KLF6: variants seen among roughly 807,000 people sequenced by gnomAD.
KLF6 encodes Krueppel-like factor 6.
For missense variants in KLF6, 233 were observed against 359.8 expected, an observed-to-expected ratio of 0.65 and a Z score of 2.85; for synonymous variants, 152 against 147.9, an observed-to-expected ratio of 1.03 and a Z score of -0.20.
At chr10:3,784,696 A>G (rs1478556151) in intron 1 of KLF6, among the ~76,000 whole-genome samples, 2 of 152,042 alleles carry the variant, frequency 1.3e-5, no homozygotes, top group Non-Finnish European at 2.9e-5. Context: ...AACTCGTGCC[A>G]GGGGCTCGGC....
rs750705462 is a variant in KLF6, at chr10:3,781,693, C to G, written c.624G>C (p.Arg208Ser). ...RVHRCHFNGC[R>S]KVYTKSSHLK... is the part of the protein sequence containing the mutation. ...AGTGGGAGCTTTTGGTGTAAACTTT[C>G]CTGCAGCCGTTAAAGTGGCACCGGT... Residue 208 changes from arginine to serine, a missense_variant, in exon 2 of 4, where the codon AGG becomes AGC. Transcript: ENST00000497571. This position sits in a 1 kb window ranked among gnomAD's most constrained non-coding sequence, Gnocchi z 5.8. 1 of 1,613,748 alleles carries G rather than the reference C, an allele frequency of 6.2e-7. No homozygotes were observed.
In KLF6 at chr10:3,776,195, A is replaced by C. The variant is rs555390169; in HGVS notation, c.*3344T>G. ...CTGGAGCAGGCTGTGGAGGCACAGA[A>C]GTGGCAGGGAAACACTCAAGTTTGT... On this transcript the variant is annotated 3_prime_UTR_variant, in exon 4 of 4. Transcript: ENST00000497571. The C allele has an allele frequency of 1.8e-4, 96 of 531,910 alleles. No individual in the cohort carries two copies. Among genetic ancestry groups the C allele is most frequent in the African/African-American group, 1.6e-3 (88 of 53,840 alleles). The allele number at this position is 531,910 out of a possible 1,614,324, so 32.9% of individuals were successfully genotyped here. A position where few individuals can be genotyped will look rare whatever the true frequency, so the allele number is the denominator to read the frequency against.
chr10:3,779,519 G>A lies in KLF6; in HGVS notation c.*20C>T. 2 of 1,609,792 alleles carry A rather than the reference G, an allele frequency of 1.2e-6. No individual in the cohort carries two copies. Among genetic ancestry groups the A allele is most frequent in the African/African-American group, 1.3e-5 (1 of 74,980 alleles). On this transcript the variant is annotated 3_prime_UTR_variant, in exon 4 of 4. Transcript: ENST00000497571. Reference sequence around the variant, plus strand: ...CAGCCTGGAAGCCTTTTAGCCTACAGGATCCACCTCTCTGCTCCCTCAGAG... The same window carrying A: ...CAGCCTGGAAGCCTTTTAGCCTACAAGATCCACCTCTCTGCTCCCTCAGAG...
At position 3,782,268 on chromosome 10, in the gene KLF6, A is replaced by G; in HGVS notation, c.103-54T>C. The G allele has an allele frequency of 6.8e-7, 1 of 1,467,870 alleles. No homozygotes were observed. Among genetic ancestry groups the G allele is most frequent in the Non-Finnish European group, 9.4e-7 (1 of 1,061,600 alleles). 90.9% of individuals were successfully genotyped at this position (1,467,870 alleles called of 1,614,324 possible). ...TGATTGCCATGACGACCAAAAGTAA[A>G]AGCAAAAGCAATTTCCAAAAACATG... On this transcript the variant is annotated intron_variant, in intron 1 of 3. Transcript: ENST00000497571. The surrounding 1 kb of genome is among the most constrained non-coding windows in gnomAD (Gnocchi z 4.3).
In KLF6 at chr10:3,776,292, C is replaced by T. The variant is rs1564291591; in HGVS notation, c.*3247G>A. 1 of 533,192 alleles carries T rather than the reference C, an allele frequency of 1.9e-6. No homozygotes were observed. Among genetic ancestry groups the T allele is most frequent in the Non-Finnish European group, 3.6e-6 (1 of 275,640 alleles). The allele number at this position is 533,192 out of a possible 1,614,324, so 33.0% of individuals were successfully genotyped here. A position where few individuals can be genotyped will look rare whatever the true frequency, so the allele number is the denominator to read the frequency against. On this transcript the variant is annotated 3_prime_UTR_variant, in exon 4 of 4. Coordinates refer to ENST00000497571, the MANE Select transcript of KLF6 (RefSeq NM_001300.6). ...AAGATCAAACCGGCATGGTTCCCTA[C>T]TGTGCCCACAGCCGGGGGGTTGTTT...
In KLF6 at chr10:3,777,849, T is replaced by A; in HGVS notation, c.*1690A>T. 1 of 484,392 alleles carries A rather than the reference T, an allele frequency of 2.1e-6. No homozygotes were observed. Among genetic ancestry groups the A allele is most frequent in the South Asian group, 1.6e-5 (1 of 63,680 alleles). 30.0% of individuals were successfully genotyped at this position (484,392 alleles called of 1,614,324 possible). On this transcript the variant is annotated 3_prime_UTR_variant, in exon 4 of 4. Transcript: ENST00000497571. The stretch of plus-strand genomic sequence containing the variant: ...ACTTTTTTAAAAAAGTAGTATACTT[T>A]CTGTATTACCAACAGATAGCTAGAC...
Position 3,780,018 on chromosome 10 carries a change from C to T in KLF6, c.800+88G>A, listed in dbSNP as rs1021009596. On this transcript the variant is annotated intron_variant, in intron 3 of 3. Coordinates refer to ENST00000497571, the MANE Select transcript of KLF6 (RefSeq NM_001300.6). The surrounding 1 kb of genome is among the most constrained non-coding windows in gnomAD (Gnocchi z 4.6). ...ACATAGGAAACTGCATGCCTTCCTT[C>T]GAATGTGCCCTGCACACCTACTCAA... 3.1e-4 allele frequency: 471 copies of T among 1,524,192 alleles called. No individual in the cohort carries two copies. Among genetic ancestry groups the T allele is most frequent in the Non-Finnish European group, 3.1e-4 (341 of 1,103,160 alleles). 94.4% of individuals were successfully genotyped at this position (1,524,192 alleles called of 1,614,324 possible). A position where few individuals can be genotyped will look rare whatever the true frequency, so the allele number is the denominator to read the frequency against.
intron 1 of KLF6, among the ~76,000 whole-genome samples, chr10:3,784,705 G>A (rs938633586): frequency 6.6e-6 from 1 of 152,194 alleles, no homozygotes; most frequent in African/African-American, 2.4e-5. Context: ...CAGGGGCTCG[G>A]CCGGGCTGTG....
rs2131091495 is a variant in KLF6 at position 3,777,555 on chromosome 10, A to C, written c.*1984T>G. ...GACCTGCCCATTTGATGGACAGAGC[A>C]GACAGCCCGGAACAGATTCAAGCAA... On this transcript the variant is annotated 3_prime_UTR_variant, in exon 4 of 4. Coordinates refer to ENST00000497571, the MANE Select transcript of KLF6 (RefSeq NM_001300.6). 9.8e-6 allele frequency: 5 copies of C among 511,234 alleles called. No individual in the cohort carries two copies. The highest frequency in any genetic ancestry group is 7.7e-5 in the South Asian group (5 of 64,976). 31.7% of individuals were successfully genotyped at this position (511,234 alleles called of 1,614,324 possible).
intron 1 of KLF6, among the ~76,000 whole-genome samples, chr10:3,784,273 C>G (rs1252088816): frequency 1.3e-5 from 2 of 152,160 alleles, no homozygotes; most frequent in Middle Eastern, 3.2e-3. Context: ...GTCCTTCTTT[C>G]CAAACTAAGA....
At position 3,780,466 on chromosome 10, in the gene KLF6, T is replaced by C; in HGVS notation, c.677-237A>G. 1 of 582,804 alleles carries C rather than the reference T, an allele frequency of 1.7e-6. No homozygotes were observed. Among genetic ancestry groups the C allele is most frequent in the Non-Finnish European group, 3.1e-6 (1 of 322,716 alleles). 36.1% of individuals were successfully genotyped at this position (582,804 alleles called of 1,614,324 possible). The stretch of plus-strand genomic sequence containing the variant: ...AGCTTCAGCCAAGCCCATGGTGCTG[T>C]CATCAAAGTTAACGTGGAAGAACGA... On this transcript the variant is annotated intron_variant, in intron 2 of 3. Transcript: ENST00000497571. This position sits in a 1 kb window ranked among gnomAD's most constrained non-coding sequence, Gnocchi z 4.6.
rs116781889 is a variant in KLF6 at position 3,782,425 on chromosome 10, C to G, written c.103-211G>C. On this transcript the variant is annotated intron_variant, in intron 1 of 3. Transcript: ENST00000497571. This position sits in a 1 kb window ranked among gnomAD's most constrained non-coding sequence, Gnocchi z 4.3. ...AATGGTAAGAATTCAGAGGAAAAGT[C>G]GGAGGGTGAAACCTCTCCTGGCTTT... 6.6e-6 allele frequency among the ~76,000 whole-genome samples: 1 copy of G among 152,174 alleles called. No individual in the cohort carries two copies. Among genetic ancestry groups the G allele is most frequent in the Non-Finnish European group, 1.5e-5 (1 of 68,036 alleles).
At chr10:3,784,582 AC>A (rs1832605855) in intron 1 of KLF6, among the ~76,000 whole-genome samples, 1 of 151,262 alleles carries the variant, frequency 6.6e-6, no homozygotes, top group Non-Finnish European at 1.5e-5. Context: ...TTAAAAAAAA[AC>A]AACAAAAAAC....
Position 3,777,810 on chromosome 10 carries a change from C to T in KLF6, c.*1729G>A. The stretch of plus-strand genomic sequence containing the variant: ...TACTGTACACACAAATATACATACA[C>T]AAGAATTCTGCCCACTTTTTTAAAA... On this transcript the variant is annotated 3_prime_UTR_variant, in exon 4 of 4. Transcript: ENST00000497571. 1 of 476,364 alleles carries T rather than the reference C, an allele frequency of 2.1e-6. No individual in the cohort carries two copies. The highest frequency in any genetic ancestry group is 5.0e-5 in the East Asian group (1 of 19,982). The allele number at this position is 476,364 out of a possible 1,614,324, so 29.5% of individuals were successfully genotyped here. A position where few individuals can be genotyped will look rare whatever the true frequency, so the allele number is the denominator to read the frequency against.
rs939855524 is a variant in KLF6 at position 3,781,108 on chromosome 10, G to A, written c.676+533C>T. ...TAAGAAACTGTTTCAAGCGGTATCA[G>A]AAACAAAGGCTGCATGAGACACGGA... is the stretch of plus-strand genomic sequence containing the variant. On this transcript the variant is annotated intron_variant, in intron 2 of 3. Transcript: ENST00000497571. This position sits in a 1 kb window ranked among gnomAD's most constrained non-coding sequence, Gnocchi z 5.8. The A allele has an allele frequency of 5.0e-6, 1 of 198,462 alleles. No individual in the cohort carries two copies. Among genetic ancestry groups the A allele is most frequent in the Non-Finnish European group, 1.0e-5 (1 of 97,882 alleles). 12.3% of individuals were successfully genotyped at this position (198,462 alleles called of 1,614,324 possible). A position where few individuals can be genotyped will look rare whatever the true frequency, so the allele number is the denominator to read the frequency against.
rs767693431 is a variant in KLF6 at position 3,782,068 on chromosome 10, G to A, written c.249C>T (p.Ser83=). The A allele has an allele frequency of 1.2e-6, 2 of 1,614,076 alleles. No individual in the cohort carries two copies. Among genetic ancestry groups the A allele is most frequent in the South Asian group, 2.2e-5 (2 of 91,084 alleles). ...TGATGAGAGTGTCCTCTGGAGGACT[G>A]GAAGATATCTTCAGTTCGGATTCCT... ...KKEESELKIS[S]SPPEDTLISP... is the part of the protein sequence containing the mutation. Residue 83 remains serine (S), a synonymous_variant, in exon 2 of 4, where the codon TCC becomes TCT. Transcript: ENST00000497571. This position sits in a 1 kb window ranked among gnomAD's most constrained non-coding sequence, Gnocchi z 4.3.
At position 3,785,151 on chromosome 10, in the gene KLF6, C is replaced by G. The variant is rs1832624176; in HGVS notation, c.-137G>C. The G allele has an allele frequency of 6.6e-7, 1 of 1,513,834 alleles. No homozygotes were observed. 93.8% of individuals were successfully genotyped at this position (1,513,834 alleles called of 1,614,324 possible). A position where few individuals can be genotyped will look rare whatever the true frequency, so the allele number is the denominator to read the frequency against. ...GCTCGCAGAGACGCCCGGCCGGACCCTCCCGCAGCCCGCAGCGCGCGGAGC... is the reference window on the plus strand; with the variant it reads ...GCTCGCAGAGACGCCCGGCCGGACCGTCCCGCAGCCCGCAGCGCGCGGAGC... On this transcript the variant is annotated 5_prime_UTR_variant, in exon 1 of 4. Transcript: ENST00000497571.
rs1346845593 is a variant in KLF6 at position 3,776,380 on chromosome 10, A to T, written c.*3159T>A. The T allele has an allele frequency of 1.9e-6, 1 of 532,110 alleles. No individual in the cohort carries two copies. Among genetic ancestry groups the T allele is most frequent in the Non-Finnish European group, 3.6e-6 (1 of 275,014 alleles). 33.0% of individuals were successfully genotyped at this position (532,110 alleles called of 1,614,324 possible). A position where few individuals can be genotyped will look rare whatever the true frequency, so the allele number is the denominator to read the frequency against. On this transcript the variant is annotated 3_prime_UTR_variant, in exon 4 of 4. Transcript: ENST00000497571. ...GGAGGGCAATGTCAGGCTCGCTGAC[A>T]TCCTCTCCAGCTCCCAGGACAGGCT...
Position 3,777,223 on chromosome 10 carries a change from T to C in KLF6, c.*2316A>G, listed in dbSNP as rs763029565. On this transcript the variant is annotated 3_prime_UTR_variant, in exon 4 of 4. Transcript: ENST00000497571. ...CCAGCCAGACTCACATGTGTGTATA[T>C]ATATATAAAGCAAAGAGCCACACCC... 2 of 516,450 alleles carry C rather than the reference T, an allele frequency of 3.9e-6. No individual in the cohort carries two copies. The highest frequency in any genetic ancestry group is 1.5e-5 in the South Asian group (1 of 64,648). 32.0% of individuals were successfully genotyped at this position (516,450 alleles called of 1,614,324 possible).
Sources: allele counts gnomAD v4.1 joint callset (sites outside exome capture counted in the v4.1 genomes callset), GRCh38; gene constraint gnomAD v4.1.1; non-coding constraint Gnocchi (gnomAD v3.1); transcripts MANE v1.5; gene names NCBI Gene and HGNC (gene_info 2026-07-23, HGNC 2026-07-21).